Variants in VRK2 observed in about 807,000 individuals in gnomAD.
VRK2 encodes VRK serine/threonine kinase 2.
Under a neutral mutation model 57.6 loss-of-function variants are expected in VRK2, and 60 were observed. The ratio of observed to expected loss-of-function variants is 1.04; its 90% CI spans 0.85 to 1.29. VRK2 has a LOEUF of 1.29. VRK2 is among the 50% of genes most tolerant of loss of function. VRK2 has a pLI of 0.00. For missense variants in VRK2, 705 were observed against 588.1 expected, an observed-to-expected ratio of 1.20 and a Z score of -2.06; for synonymous variants, 231 against 199.2, an observed-to-expected ratio of 1.16 and a Z score of -1.35.
chr2:58,137,182 C>CAT, intron 10 of VRK2, among the ~76,000 whole-genome samples: 12 of 35,098 alleles, frequency 3.4e-4, no homozygotes, highest in African/African-American at 1.9e-3. Flanking sequence ...TCATATATAT[C>CAT]ATATATGATA....
chr2:58,095,083 C>T (rs927022436), intron 7 of VRK2, among the ~76,000 whole-genome samples: 1 of 152,206 alleles, frequency 6.6e-6, no homozygotes, highest in African/African-American at 2.4e-5. Context: ...ATCACGAGGT[C>T]AGGAGATAGA....
chr2:57,960,625 A>T (rs1170130121), intron 1 of VRK2, among the ~76,000 whole-genome samples: 1 of 152,248 alleles, frequency 6.6e-6, no homozygotes, highest in Non-Finnish European at 1.5e-5. Context: ...CATGGCGTTC[A>T]GGTTCCAGAA....
At chr2:58,144,906 G>A (rs1681886150) in intron 11 of VRK2, among the ~76,000 whole-genome samples, 1 of 152,038 alleles carries the variant, frequency 6.6e-6, no homozygotes, top group Non-Finnish European at 1.5e-5. Context: ...ATATTTTAAA[G>A]GGAAGGAGTG....
chr2:58,112,707 A>G (rs1237768344), intron 7 of VRK2, among the ~76,000 whole-genome samples: 1 of 152,156 alleles, frequency 6.6e-6, no homozygotes, highest in Non-Finnish European at 1.5e-5. Context: ...GTGGGGAAGT[A>G]TATGCAATTT....
intron 1 of VRK2, among the ~76,000 whole-genome samples, chr2:58,004,610 C>T (rs1179223177): frequency 6.6e-6 from 1 of 152,082 alleles, no homozygotes; most frequent in Admixed American, 6.6e-5. Flanking sequence ...GGATTTTGTT[C>T]ATAAAATGGA....
intron 7 of VRK2, among the ~76,000 whole-genome samples, chr2:58,102,383 G>C (rs1280457808): frequency 6.7e-6 from 1 of 150,372 alleles, no homozygotes; most frequent in Non-Finnish European, 1.5e-5. Context: ...GACACTTATA[G>C]ATTGAAGGCC....
rs141191115 is a variant in VRK2, at chr2:57,946,399, CAAG to C, written c.-439+38565_-439+38567del. On this transcript the variant is annotated intron_variant, in intron 1 of 15. Coordinates refer to the VRK2 transcript ENST00000417641. Reference sequence around the variant, plus strand: ...TGTAACAATTGCACATATTATGCAGCAAGAAGATTTCTTAGTACAATTCTGATT... The same window carrying C: ...TGTAACAATTGCACATATTATGCAGCAAGATTTCTTAGTACAATTCTGATT... Among the ~76,000 whole-genome samples, 622 of 151,948 alleles carry C rather than the reference CAAG, an allele frequency of 4.1e-3. 6 individuals carry two copies. The highest frequency in any genetic ancestry group is 0.014 in the African/African-American group (591 of 41,412).
intron 1 of VRK2, among the ~76,000 whole-genome samples, chr2:57,915,886 C>T (rs1244412178): frequency 6.6e-6 from 1 of 152,092 alleles, no homozygotes; most frequent in Non-Finnish European, 1.5e-5. Context: ...GACCACAAAC[C>T]CTGCTTGTGA....
intron 1 of VRK2, among the ~76,000 whole-genome samples, chr2:57,979,090 T>G (rs1018972502): frequency 4.0e-5 from 6 of 151,240 alleles, no homozygotes; most frequent in African/African-American, 1.5e-4. Flanking sequence ...GTTGGTTCCA[T>G]GTCTTTCCTA....
chr2:58,024,158 A>G (rs914296056), intron 1 of VRK2, among the ~76,000 whole-genome samples: 51 of 151,932 alleles, frequency 3.4e-4, no homozygotes, highest in Non-Finnish European at 1.6e-4. Flanking sequence ...TCCTGTCTCT[A>G]CTAAAAGTAC....
At chr2:58,096,781 G>A (rs1673203962) in intron 7 of VRK2, among the ~76,000 whole-genome samples, 1 of 150,302 alleles carries the variant, frequency 6.7e-6, no homozygotes, top group South Asian at 2.1e-4. Context: ...TCTTTTTCTA[G>A]TTCTCCAATT....
In VRK2 at chr2:58,146,372, CG is replaced by C. The variant is rs746044127; in HGVS notation, c.1081del (p.Glu361LysfsTer24). The C allele has an allele frequency of 6.2e-7, 1 of 1,610,886 alleles. No homozygotes were observed. The highest frequency in any genetic ancestry group is 1.1e-5 in the South Asian group (1 of 90,964). On this transcript the variant is annotated frameshift_variant, in exon 12 of 13. Coordinates refer to ENST00000340157, the MANE Select transcript of VRK2 (RefSeq NM_006296.7). LOFTEE classifies it high-confidence loss of function. Reference sequence around the variant, plus strand: ...TCAACAAGGCACACAATAGGTTAATCGAAAAAAAAGTCCACAGTGAGAGAAG... The same window carrying C: ...TCAACAAGGCACACAATAGGTTAATCAAAAAAAAGTCCACAGTGAGAGAAG... ...QVNKAHNRLI[E>X]KKVHSERSAE...
At chr2:58,119,156 G>C (rs1211435381) in intron 7 of VRK2, among the ~76,000 whole-genome samples, 1 of 152,144 alleles carries the variant, frequency 6.6e-6, no homozygotes, top group Non-Finnish European at 1.5e-5. Flanking sequence ...AGTACAGAGA[G>C]AGATCTTGGT....
intron 1 of VRK2, among the ~76,000 whole-genome samples, chr2:58,022,425 A>G (rs1217605921): frequency 6.6e-6 from 1 of 152,228 alleles, no homozygotes; most frequent in Non-Finnish European, 1.5e-5. Flanking sequence ...CTACGTAGAC[A>G]TTATGTTTCT....
chr2:58,035,817 C>T (rs72949154), intron 3 of VRK2, among the ~76,000 whole-genome samples: 3,092 of 151,978 alleles, frequency 0.02, 121 homozygotes, highest in African/African-American at 0.071. Context: ...GACCCAACCA[C>T]GTTATGTGTG....
chr2:57,936,683 T>A (rs891824095), intron 1 of VRK2, among the ~76,000 whole-genome samples: 1 of 152,130 alleles, frequency 6.6e-6, no homozygotes, highest in African/African-American at 2.4e-5. Context: ...TTAATTTCTA[T>A]AGTAGAATAT....
intron 2 of VRK2, chr2:58,058,476 G>C: frequency 2.2e-6 from 1 of 462,806 alleles, no homozygotes; most frequent in South Asian, 1.6e-5. Context: ...AGAGAACATA[G>C]CTTCCATTTC....
At position 58,109,434 on chromosome 2, in the gene VRK2, G is replaced by GA. The variant is rs1217084882; in HGVS notation, c.544-13654dup. Among the ~76,000 whole-genome samples the GA allele has an allele frequency of 2.0e-3, 285 of 141,140 alleles. 2 individuals carry two copies. The highest frequency in any genetic ancestry group is 5.1e-3 in the Admixed American group (72 of 14,182). 92.6% of individuals were successfully genotyped at this position (141,140 alleles called of 152,430 possible). On this transcript the variant is annotated intron_variant, in intron 7 of 12. Transcript: ENST00000340157. ...TAGTAGTCCATTCCCATACTGCTAT[G>GA]AAAAAAAAAAAAATACCCAAAACTG...
At chr2:58,015,297 A>G (rs1673546928) in intron 1 of VRK2, among the ~76,000 whole-genome samples, 1 of 152,174 alleles carries the variant, frequency 6.6e-6, no homozygotes. Context: ...TTTAAATTCA[A>G]CTAATTATTA....
Sources: gnomAD v4.1 joint callset for allele counts (sites outside exome capture counted in the v4.1 genomes callset) on GRCh38, gnomAD v4.1.1 for gene constraint, MANE v1.5 for transcripts, NCBI Gene and HGNC (gene_info 2026-07-23, HGNC 2026-07-21) for gene names.